The following ZNF682 variants were observed in gnomAD, a reference collection of about 807,000 sequenced individuals.
ZNF682 encodes the protein zinc finger protein 682.
Under a neutral mutation model 36.5 loss-of-function variants are expected in ZNF682, and 29 were observed. That is an observed-to-expected ratio of 0.80 (90% CI 0.59 to 1.08). The LOEUF (loss-of-function observed/expected upper bound fraction) is 1.08. Ranked by LOEUF, ZNF682 falls within the 50% of genes least tolerant of loss-of-function variation. The pLI, the probability that ZNF682 is intolerant of heterozygous loss-of-function variation, is 0.00. For missense variants in ZNF682, 561 were observed against 579.7 expected, an observed-to-expected ratio of 0.97 and a Z score of 0.33; for synonymous variants, 180 against 197.0, an observed-to-expected ratio of 0.91 and a Z score of 0.72.
intron 1 of ZNF682, among the ~76,000 whole-genome samples, chr19:20,027,903 G>A (rs560104390): frequency 7.9e-5 from 12 of 152,132 alleles, no homozygotes; most frequent in Admixed American, 5.2e-4. Flanking sequence ...CCTGGGTGAC[G>A]GAGTGAGACT....
chr19:20,025,716 A>G (rs1215356710), intron 1 of ZNF682, among the ~76,000 whole-genome samples: 1 of 152,068 alleles, frequency 6.6e-6, no homozygotes, highest in African/African-American at 2.4e-5. Flanking sequence ...AACATGAACT[A>G]CAATAGAACA....
At position 20,024,344 on chromosome 19, in the gene ZNF682, T is replaced by C; in HGVS notation, c.36A>G (p.Glu12=). 6.2e-7 allele frequency: 1 copy of C among 1,613,420 alleles called. No individual in the cohort carries two copies. The highest frequency in any genetic ancestry group is 8.5e-7 in the Non-Finnish European group (1 of 1,179,738). The change falls in exon 2 of 4, where the codon GAA becomes GAG. Residue 12 remains glutamate, a synonymous_variant. Transcript: ENST00000397165. ...GAAACTCCCACTCCTCCAGAGAGAA[T>C]TCTATGGTCACATCCCTGAATGTCA... The part of the protein sequence containing the change: ...ELLTFRDVTI[E]FSLEEWEFLN...
rs574153916 is a variant in ZNF682, at chr19:20,030,171, T to C, written c.4-5795A>G. Among the ~76,000 whole-genome samples the C allele has an allele frequency of 1.3e-4, 20 of 152,344 alleles. 1 individual carries two copies. The highest frequency in any genetic ancestry group is 3.6e-4 in the African/African-American group (15 of 41,588). The stretch of plus-strand genomic sequence containing the variant: ...ATTTCACCCAATTCCCTGTCTATTT[T>C]ATAACATACAGTAACAAGGAATTTA... On this transcript the variant is annotated intron_variant, in intron 1 of 3. Coordinates refer to ENST00000397165, the MANE Select transcript of ZNF682 (RefSeq NM_033196.3).
intron 1 of ZNF682, among the ~76,000 whole-genome samples, chr19:20,038,704 A>G (rs1293293675): frequency 6.6e-6 from 1 of 152,188 alleles, no homozygotes; most frequent in Non-Finnish European, 1.5e-5. Context: ...TTAAGCAACC[A>G]CAAACCTTCA....
In ZNF682 at chr19:20,007,065, G is replaced by A. The variant is rs1371957766; in HGVS notation, c.437C>T (p.Pro146Leu). 1.2e-6 allele frequency: 2 copies of A among 1,613,430 alleles called. No homozygotes were observed. Among genetic ancestry groups the A allele is most frequent in the South Asian group, 2.2e-5 (2 of 91,028 alleles). ...CLSTLPSKIF[P>L]YNKCVKVFSK... ...AAAGACTTTCACACATTTATTATAT[G>A]GGAAAATTTTGCTAGGTAGAGTTGA... Residue 146 changes from proline to leucine, a missense_variant, in exon 4 of 4, where the codon CCA (proline) becomes CTA (leucine). Physicochemically the swap from Pro to Leu is moderately conservative, Grantham distance 98 (BLOSUM62 -3). Transcript: ENST00000397165.
intron 1 of ZNF682, among the ~76,000 whole-genome samples, chr19:20,027,587 T>C (rs571045033): frequency 6.6e-6 from 1 of 152,144 alleles, no homozygotes; most frequent in African/African-American, 2.4e-5. Context: ...TGGAGAAACC[T>C]TGTCTCTACT....
Position 20,007,189 on chromosome 19 carries a change from T to G in ZNF682, c.313A>C (p.Ser105Arg). The part of the protein sequence containing the change: ...FQKVILRRYG[S>R]CGLEDLHLRK... ...AAGTGTAAATCCTCAAGTCCACAGC[T>G]TCCATATCTTCTCAGTATCACTTTT... The change falls in exon 4 of 4, where the codon AGC becomes CGC. Residue 105 changes from serine to arginine, a missense_variant. Ser to Arg is a moderately radical substitution (Grantham distance 110). Transcript: ENST00000397165. 1 of 1,613,752 alleles carries G rather than the reference T, an allele frequency of 6.2e-7. No individual in the cohort carries two copies. The highest frequency in any genetic ancestry group is 1.3e-5 in the African/African-American group (1 of 75,044).
intron 1 of ZNF682, among the ~76,000 whole-genome samples, chr19:20,033,108 A>C (rs1291100722): frequency 6.6e-6 from 1 of 152,156 alleles, no homozygotes. Context: ...TTTACTAAAA[A>C]TACAAAAAAT....
At chr19:20,027,588 T>C (rs1339037420) in intron 1 of ZNF682, among the ~76,000 whole-genome samples, 1 of 152,066 alleles carries the variant, frequency 6.6e-6, no homozygotes, top group African/African-American at 2.4e-5. Context: ...GGAGAAACCT[T>C]GTCTCTACTA....
intron 3 of ZNF682, among the ~76,000 whole-genome samples, chr19:19,998,420 C>G (rs796163435): frequency 1.3e-5 from 2 of 152,152 alleles, no homozygotes; most frequent in African/African-American, 4.8e-5. Context: ...GAGCCTGAGA[C>G]AGAGAAGCAG....
intron 3 of ZNF682, chr19:20,015,848 G>T (rs2088330035): frequency 2.5e-6 from 1 of 398,032 alleles, no homozygotes; most frequent in Non-Finnish European, 4.4e-6. Context: ...CTAGCCTGCA[G>T]AAGCAAAGAA....
rs527849628 is a variant in ZNF682 at position 20,016,110 on chromosome 19, A to C, written c.226+6894T>G. 5.3e-5 allele frequency among the ~76,000 whole-genome samples: 8 copies of C among 152,292 alleles called. No homozygotes were observed. The South Asian group carries it at 1.7e-3, about 32-fold the overall frequency. The stretch of plus-strand genomic sequence containing the variant: ...TGGATCGCTTGAGCTCAGGAGTTCA[A>C]CACCAGCCTGGACAACATGGTGAAA... On this transcript the variant is annotated intron_variant, in intron 3 of 3. Transcript: ENST00000397165.
intron 3 of ZNF682, among the ~76,000 whole-genome samples, chr19:20,019,782 C>A (rs1271007411): frequency 6.6e-6 from 1 of 152,114 alleles, no homozygotes; most frequent in East Asian, 1.9e-4. Context: ...AATATCACTT[C>A]ACATTTGTTA....
At chr19:19,998,309 C>T (rs12460281) in intron 3 of ZNF682, among the ~76,000 whole-genome samples, 9,489 of 152,066 alleles carry the variant, frequency 0.062, 490 homozygotes, top group East Asian at 0.18. Flanking sequence ...CAATAGGGAG[C>T]CAGCGCTGCA....
intron 3 of ZNF682, among the ~76,000 whole-genome samples, chr19:20,022,352 A>AAAAC (rs71805266): frequency 0.041 from 6,172 of 151,276 alleles, 303 homozygotes; most frequent in East Asian, 0.2. Context: ...AAACCAAAAC[A>AAAAC]AAACAAAACA....
Position 20,039,490 on chromosome 19 carries a change from GGAGC to G in ZNF682, c.-149_-146del. On this transcript the variant is annotated 5_prime_UTR_variant, in exon 1 of 4. Transcript: ENST00000397165. ...TGAAGATGGACCCTGAGCTCTGGCT[GGAGC>G]GAGACAAAGGCCCCGCCAGCTCCAG... The G allele has an allele frequency of 8.7e-7, 1 of 1,154,314 alleles. No individual in the cohort carries two copies. The highest frequency in any genetic ancestry group is 1.2e-6 in the Non-Finnish European group (1 of 830,942). 71.5% of individuals were successfully genotyped at this position (1,154,314 alleles called of 1,614,324 possible). A position where few individuals can be genotyped will look rare whatever the true frequency, so the allele number is the denominator to read the frequency against.
At chr19:20,034,554 G>T (rs1227143602) in intron 1 of ZNF682, among the ~76,000 whole-genome samples, 7 of 151,976 alleles carry the variant, frequency 4.6e-5, no homozygotes, top group Admixed American at 4.6e-4. Flanking sequence ...CGAGGCGGAC[G>T]GATCACCTGA....
chr19:20,035,623 T>A (rs1176282329), intron 1 of ZNF682, among the ~76,000 whole-genome samples: 3 of 152,234 alleles, frequency 2.0e-5, no homozygotes, highest in Non-Finnish European at 2.9e-5. Context: ...TAATATTAAT[T>A]CAGTTAAAAT....
intron 1 of ZNF682, among the ~76,000 whole-genome samples, chr19:20,026,524 G>A (rs962029474): frequency 2.6e-5 from 4 of 152,050 alleles, no homozygotes; most frequent in Non-Finnish European, 5.9e-5. Context: ...GGAGTGCAGT[G>A]AGTGGCATGA....
Sources: gnomAD v4.1 joint callset for allele counts (sites outside exome capture counted in the v4.1 genomes callset) on GRCh38, gnomAD v4.1.1 for gene constraint, MANE v1.5 for transcripts, NCBI Gene and HGNC (gene_info 2026-07-23, HGNC 2026-07-21) for gene names.